Variants in SH2B3 observed in about 807,000 individuals in gnomAD.
SH2B3 encodes the protein SH2B adaptor protein 3.
In SH2B3, 43 loss-of-function variants were observed where a neutral mutation model predicts 51.9. The ratio of observed to expected loss-of-function variants is 0.83; its 90% CI spans 0.65 to 1.07. The LOEUF (loss-of-function observed/expected upper bound fraction) is 1.07, where lower values mean the gene tolerates loss of function less well. Ranked by LOEUF, SH2B3 falls within the 50% of genes least tolerant of loss-of-function variation. The pLI, the probability that SH2B3 is intolerant of heterozygous loss-of-function variation, is 0.00. For missense variants in SH2B3, 952 were observed against 834.3 expected (o/e 1.14, Z -1.74); for synonymous variants, 396 against 376.0 (o/e 1.05, Z -0.62).
At chr12:111,444,794 G>A in intron 2 of SH2B3, 1 of 985,646 alleles carries the variant, frequency 1.0e-6, no homozygotes, top group Non-Finnish European at 1.2e-6. Context: ...GGGTTGTCCT[G>A]CGCCCATGTG....
At chr12:111,430,531 C>T (rs145968022) in intron 2 of SH2B3, among the ~76,000 whole-genome samples, 5 of 152,078 alleles carry the variant, frequency 3.3e-5, no homozygotes, top group Admixed American at 6.5e-5. Flanking sequence ...TGTTTGTTTT[C>T]GAGGCTGGTA....
In SH2B3 at chr12:111,429,087, C is replaced by T. The variant is rs1270976462; in HGVS notation, c.732+10210C>T. ...AGGAGGAGGGACGGCAGGAAGCCGC[C>T]TCGGGCTCTGACAGGCGCGGCCCTG... On this transcript the variant is annotated intron_variant, in intron 2 of 7. Coordinates refer to ENST00000341259, the MANE Select transcript of SH2B3 (RefSeq NM_005475.3). This position sits in a 1 kb window ranked among gnomAD's most constrained non-coding sequence, Gnocchi z 4.4. Among the ~76,000 whole-genome samples the T allele has an allele frequency of 2.6e-5, 4 of 151,758 alleles. No individual in the cohort carries two copies. Among genetic ancestry groups the T allele is most frequent in the African/African-American group, 9.7e-5 (4 of 41,370 alleles).
At chr12:111,430,322 C>T (rs1010158741) in intron 2 of SH2B3, among the ~76,000 whole-genome samples, 7 of 152,188 alleles carry the variant, frequency 4.6e-5, no homozygotes, top group African/African-American at 7.2e-5. Flanking sequence ...CCCCCGACCG[C>T]GCTGAAACCA....
chr12:111,419,996 C>G (rs1051284014), intron 2 of SH2B3, among the ~76,000 whole-genome samples: 14 of 152,276 alleles, frequency 9.2e-5, no homozygotes, highest in Admixed American at 9.2e-4. Flanking sequence ...TCCAGGGACA[C>G]CTTTTTGCCT....
chr12:111,413,819 G>C (rs1870886932), intron 1 of SH2B3, among the ~76,000 whole-genome samples: 2 of 152,230 alleles, frequency 1.3e-5, no homozygotes, highest in Admixed American at 1.3e-4. Flanking sequence ...CTGTTGGAGA[G>C]ATAGTCACTA....
At position 111,418,818 on chromosome 12, in the gene SH2B3, C is replaced by T. The variant is rs926306195; in HGVS notation, c.673C>T (p.Arg225Cys). The change falls in exon 2 of 8, where the codon CGC (arginine) becomes TGC (cysteine). Residue 225 changes from arginine (R) to cysteine (C), a missense_variant. By Grantham distance (180) the Arg-to-Cys change is radical (BLOSUM62 -3). Coordinates refer to ENST00000341259, the MANE Select transcript of SH2B3 (RefSeq NM_005475.3). This position sits in a 1 kb window ranked among gnomAD's most constrained non-coding sequence, Gnocchi z 6.7. The part of the protein sequence containing the change: ...ARWQRGRLAL[R>C]RAPGPDGPDR... The stretch of plus-strand genomic sequence containing the variant: ...CTGGCAGCGCGGGAGGCTGGCGCTG[C>T]GCCGGGCCCCGGGCCCCGATGGCCC... 4 of 1,426,924 alleles carry T rather than the reference C, an allele frequency of 2.8e-6. No individual in the cohort carries two copies. The highest frequency in any genetic ancestry group is 3.0e-5 in the African/African-American group (2 of 65,746). 88.4% of individuals were successfully genotyped at this position (1,426,924 alleles called of 1,614,324 possible). A position where few individuals can be genotyped will look rare whatever the true frequency, so the allele number is the denominator to read the frequency against.
In SH2B3 at chr12:111,450,245, C is replaced by T. The variant is rs1285948500; in HGVS notation, c.*1943C>T. 1.3e-5 allele frequency: 2 copies of T among 152,238 alleles called. No individual in the cohort carries two copies. The allele number at this position is 152,238 out of a possible 1,614,324, so 9.4% of individuals were successfully genotyped here. On this transcript the variant is annotated 3_prime_UTR_variant, in exon 8 of 8. Coordinates refer to ENST00000341259, the MANE Select transcript of SH2B3 (RefSeq NM_005475.3). Reference sequence around the variant, plus strand: ...GCCTACACCACTTTTAGTACCAACACTCTTGGGTGATTTCATGGACCCTAA... The same window carrying T: ...GCCTACACCACTTTTAGTACCAACATTCTTGGGTGATTTCATGGACCCTAA...
Position 111,434,683 on chromosome 12 carries a change from AATT to A in SH2B3, c.733-12066_733-12064del, listed in dbSNP as rs559422613. ...TTTCCCCACCCAGGATCAGATAAATAATTATTTAGGTTTTATTCTAGTTCTGTC... is the reference window on the plus strand; with the variant it reads ...TTTCCCCACCCAGGATCAGATAAATAATTTAGGTTTTATTCTAGTTCTGTC... On this transcript the variant is annotated intron_variant, in intron 2 of 7. Transcript: ENST00000341259. 1,860 of 654,718 alleles carry A rather than the reference AATT, an allele frequency of 2.8e-3. 2 individuals are homozygous for A. Among genetic ancestry groups the A allele is most frequent in the Non-Finnish European group, 3.2e-3 (1,684 of 528,172 alleles). The allele number at this position is 654,718 out of a possible 1,614,324, so 40.6% of individuals were successfully genotyped here.
In SH2B3 at chr12:111,418,614, G is replaced by A. The variant is rs1226681360; in HGVS notation, c.469G>A (p.Ala157Thr). The A allele has an allele frequency of 2.7e-6, 4 of 1,483,112 alleles. No individual in the cohort carries two copies. In the African/African-American group the frequency reaches 4.4e-5, roughly 16 times the overall value. 91.9% of individuals were successfully genotyped at this position (1,483,112 alleles called of 1,614,324 possible). Residue 157 changes from alanine to threonine, a missense_variant, in exon 2 of 8, where the codon GCC (alanine) becomes ACC (threonine). Physicochemically the swap from Ala to Thr is moderately conservative, Grantham distance 58 (BLOSUM62 0). Transcript: ENST00000341259. The surrounding 1 kb of genome is among the most constrained non-coding windows in gnomAD (Gnocchi z 6.7). Reference sequence around the variant, plus strand: ...CCGCTCGGCCGGGGAGCTGCCAGCGGCCCACACCGCTGCCGCCCCCGGGAC... The same window carrying A: ...CCGCTCGGCCGGGGAGCTGCCAGCGACCCACACCGCTGCCGCCCCCGGGAC... ...RRRSAGELPA[A>T]HTAAAPGTPG... is the part of the protein sequence containing the mutation.
At chr12:111,447,075 T>C in intron 4 of SH2B3, 42 bp downstream of exon 4, 1 of 1,609,412 alleles carries the variant, frequency 6.2e-7, no homozygotes. Flanking sequence ...CCTTTGCTGC[T>C]ACCACCCCTG....
intron 2 of SH2B3, among the ~76,000 whole-genome samples, chr12:111,432,448 G>C (rs1195216220): frequency 6.6e-6 from 1 of 152,102 alleles, no homozygotes; most frequent in Non-Finnish European, 1.5e-5. Context: ...TCCTAGAAGG[G>C]GAGTGCTGGG....
intron 1 of SH2B3, among the ~76,000 whole-genome samples, chr12:111,411,598 C>T (rs1870702043): frequency 6.6e-6 from 1 of 152,146 alleles, no homozygotes. Context: ...GATTTCTCAC[C>T]GACTTGGTGG....
At chr12:111,427,858 T>G (rs1048560770) in intron 2 of SH2B3, among the ~76,000 whole-genome samples, 4 of 152,248 alleles carry the variant, frequency 2.6e-5, no homozygotes, top group Admixed American at 6.5e-5. Flanking sequence ...CTTCATTTTA[T>G]CTTCACAGCA....
chr12:111,447,563 T>TGGGGC lies in SH2B3; in HGVS notation c.1236+23_1236+24insCGGGG. ...AGCCAAGGTATGGGGTGGGGTGGGG[T>TGGGGC]GGGGTGGGGCAGGCAGGACCGTGCC... On this transcript the variant is annotated intron_variant, in intron 6 of 7. Transcript: ENST00000341259. 5.4e-6 allele frequency: 1 copy of TGGGGC among 183,962 alleles called. No individual in the cohort carries two copies. 11.4% of individuals were successfully genotyped at this position (183,962 alleles called of 1,614,324 possible).
intron 2 of SH2B3, among the ~76,000 whole-genome samples, chr12:111,428,684 T>TG (rs1218711924): frequency 6.6e-6 from 1 of 151,966 alleles, no homozygotes; most frequent in African/African-American, 2.4e-5. Flanking sequence ...ACCCATCCCT[T>TG]GGGGGCCTCA....
At chr12:111,447,897 C>T in intron 7 of SH2B3, 70 bp downstream of exon 7, 2 of 1,561,742 alleles carry the variant, frequency 1.3e-6, no homozygotes, top group African/African-American at 1.4e-5. Flanking sequence ...TTGCTGCAGA[C>T]CCAGGGGTAC....
intron 1 of SH2B3, among the ~76,000 whole-genome samples, chr12:111,412,549 G>T (rs755756020): frequency 5.3e-5 from 8 of 152,190 alleles, no homozygotes; most frequent in Non-Finnish European, 7.3e-5. Context: ...TGAGCCCCAT[G>T]CCAAGCACAC....
rs1565989846 is a variant in SH2B3, at chr12:111,446,911, G to C, written c.835-31G>C. 3 of 1,608,370 alleles carry C rather than the reference G, an allele frequency of 1.9e-6. No individual in the cohort carries two copies. The East Asian group carries it at 6.7e-5, about 36-fold the overall frequency. On this transcript the variant is annotated intron_variant, in intron 3 of 7. Transcript: ENST00000341259. ...AATACAAATACATACACATACAGCAGACCCAACCCTGTTCCCTTCCTCCCT... is the reference window on the plus strand; with the variant it reads ...AATACAAATACATACACATACAGCACACCCAACCCTGTTCCCTTCCTCCCT...
At position 111,418,579 on chromosome 12, in the gene SH2B3, T is replaced by C. The variant is rs563838923; in HGVS notation, c.434T>C (p.Ile145Thr). 2 of 1,484,948 alleles carry C rather than the reference T, an allele frequency of 1.3e-6. No homozygotes were observed. Among genetic ancestry groups the C allele is most frequent in the African/African-American group, 2.9e-5 (2 of 68,180 alleles). 92.0% of individuals were successfully genotyped at this position (1,484,948 alleles called of 1,614,324 possible). A position where few individuals can be genotyped will look rare whatever the true frequency, so the allele number is the denominator to read the frequency against. ...FQHFRRSLRH[I>T]FRRRSAGELP... Reference sequence around the variant, plus strand: ...CACTTTCGCCGCAGCCTCCGCCACATCTTCCGCCGCCGCTCGGCCGGGGAG... The same window carrying C: ...CACTTTCGCCGCAGCCTCCGCCACACCTTCCGCCGCCGCTCGGCCGGGGAG... The change falls in exon 2 of 8, where the codon ATC (isoleucine) becomes ACC (threonine). Residue 145 changes from isoleucine (I) to threonine (T), a missense_variant. By Grantham distance (89) the Ile-to-Thr change is moderately conservative. Coordinates refer to ENST00000341259, the MANE Select transcript of SH2B3 (RefSeq NM_005475.3). This position sits in a 1 kb window ranked among gnomAD's most constrained non-coding sequence, Gnocchi z 6.7.
Sources: gnomAD v4.1 joint callset for allele counts (sites outside exome capture counted in the v4.1 genomes callset) on GRCh38, gnomAD v4.1.1 for gene constraint, Gnocchi (gnomAD v3.1) non-coding constraint, MANE v1.5 for transcripts, NCBI Gene and HGNC (gene_info 2026-07-23, HGNC 2026-07-21) for gene names.